The following EPG5 variants were observed in gnomAD, a reference collection of about 807,000 sequenced individuals.
The protein encoded by EPG5 is ectopic P granules protein 5 homolog.
A neutral mutation model predicts 302.7 loss-of-function variants in EPG5; 159 were observed. That is an observed-to-expected ratio of 0.53 (90% CI 0.46 to 0.60). The LOEUF is 0.60. Among genes scored for constraint, EPG5 ranks in the 20% least tolerant of loss-of-function variants. The probability of loss-of-function intolerance (pLI) is 0.00; values close to 1 mark genes in which losing one functional copy is unlikely to be tolerated. For missense variants in EPG5, 2,896 were observed against 3,092.4 expected (o/e 0.94, Z 1.51); for synonymous variants, 1,158 against 1,136.8 (o/e 1.02, Z -0.37).
chr18:45,885,785 GT>G (rs948502508), intron 29 of EPG5, among the ~76,000 whole-genome samples: 1 of 152,014 alleles, frequency 6.6e-6, no homozygotes, highest in Non-Finnish European at 1.5e-5. Flanking sequence ...CTGGAAAAAT[GT>G]TTTTTTAACA....
chr18:45,897,442 T>C (rs2049503911), intron 27 of EPG5, among the ~76,000 whole-genome samples: 1 of 152,146 alleles, frequency 6.6e-6, no homozygotes, highest in Non-Finnish European at 1.5e-5. Flanking sequence ...ACATTTTCAG[T>C]TTTTTCCTCA....
chr18:45,806,296 GAA>G, the EPG5 span, among the ~76,000 whole-genome samples: 1 of 152,150 alleles, frequency 6.6e-6, no homozygotes, highest in African/African-American at 2.4e-5. Flanking sequence ...ACAGAAAAAT[GAA>G]AACAGTGTAA....
At chr18:45,960,809 T>C (rs565642912) in intron 1 of EPG5, among the ~76,000 whole-genome samples, 1 of 152,230 alleles carries the variant, frequency 6.6e-6, no homozygotes, top group South Asian at 2.1e-4. Context: ...AATCAGAAAG[T>C]AATCATTTAA....
intron 3 of EPG5, 146 bp from the exon 4 acceptor site, chr18:45,951,384 T>C (rs2050905946): frequency 2.1e-6 from 1 of 475,214 alleles, no homozygotes; most frequent in Non-Finnish European, 3.4e-6. Context: ...AATACTTAAA[T>C]TTTTATAAAC....
the EPG5 span, among the ~76,000 whole-genome samples, chr18:45,829,562 T>A: frequency 6.6e-6 from 1 of 152,128 alleles, no homozygotes; most frequent in Non-Finnish European, 1.5e-5. Context: ...GTGTCTCTCC[T>A]TGCCCTCAAA....
rs2143792761 is a variant in EPG5 at position 45,955,122 on chromosome 18, C to G, written c.280G>C (p.Glu94Gln). ...PLTSLTISNE[E>Q]SLTCNTEPPK... is the part of the protein sequence containing the mutation. ...GGCTCTGTGTTACACGTCAGGGACT[C>G]TTCATTGCTTATAGTTAAGGAGGTG... Residue 94 changes from glutamate (E) to glutamine (Q), a missense_variant, in exon 2 of 44, where the codon GAG (glutamate) becomes CAG (glutamine). This residue lies in a region of EPG5 where 1,390 missense variants were observed against 1,430.0 expected (regional missense o/e 0.97). Transcript: ENST00000282041. The G allele has an allele frequency of 6.2e-7, 1 of 1,614,024 alleles. No individual in the cohort carries two copies. Among genetic ancestry groups the G allele is most frequent in the South Asian group, 1.1e-5 (1 of 91,062 alleles).
chr18:45,884,664 A>G lies in EPG5; in HGVS notation c.5257T>C (p.Phe1753Leu), dbSNP rs1405886847. 2 of 1,610,032 alleles carry G rather than the reference A, an allele frequency of 1.2e-6. No individual in the cohort carries two copies. Among genetic ancestry groups the G allele is most frequent in the African/African-American group, 2.7e-5 (2 of 74,642 alleles). ...ATATCACTGTTGTCCTCACTTAGAA[A>G]CTTCACCACTTGCTCATACAGCTGT... ...FIQLYEQVVKFLSEDNSDMIF... is the reference protein window; with the variant it reads ...FIQLYEQVVKLLSEDNSDMIF... Residue 1753 changes from phenylalanine (F) to leucine (L), a missense_variant, in exon 30 of 44, where the codon TTT becomes CTT. By Grantham distance (22) the Phe-to-Leu change is conservative. Around this residue, in one of 5 missense-constraint regions of EPG5, gnomAD observed 790 missense variants for 798.0 expected, o/e 0.99. Coordinates refer to ENST00000282041, the MANE Select transcript of EPG5 (RefSeq NM_020964.3).
intron 27 of EPG5, among the ~76,000 whole-genome samples, chr18:45,891,178 G>T (rs758316463): frequency 1.3e-5 from 2 of 152,114 alleles, no homozygotes; most frequent in African/African-American, 2.4e-5. Flanking sequence ...GAGGCCCAGG[G>T]TTATTATCAT....
the EPG5 span, among the ~76,000 whole-genome samples, chr18:45,812,833 C>T: frequency 6.6e-6 from 1 of 152,260 alleles, no homozygotes; most frequent in African/African-American, 2.4e-5. Context: ...AAAACCTAGG[C>T]AATACCATTC....
chr18:45,879,144 C>T lies in EPG5; in HGVS notation c.5738G>A (p.Ser1913Asn), dbSNP rs2049035572. 2 of 1,614,062 alleles carry T rather than the reference C, an allele frequency of 1.2e-6. No homozygotes were observed. The highest frequency in any genetic ancestry group is 4.5e-5 in the East Asian group (2 of 44,868). The change falls in exon 33 of 44, where the codon AGC (serine) becomes AAC (asparagine). Residue 1913 changes from serine (S) to asparagine (N), a missense_variant. Around this residue, in one of 5 missense-constraint regions of EPG5, gnomAD observed 790 missense variants for 798.0 expected, o/e 0.99. Coordinates refer to ENST00000282041, the MANE Select transcript of EPG5 (RefSeq NM_020964.3). The stretch of plus-strand genomic sequence containing the variant: ...ACTCCATTTTGAGAATAAACCAAAG[C>T]TTTTAAAGTCCATCTTGGATAACCG... ...KLRLSKMDFK[S>N]FGLFSKWSPY... is the part of the protein sequence containing the mutation.
chr18:45,904,455 G>A (rs763265179), intron 24 of EPG5, among the ~76,000 whole-genome samples: 6 of 152,126 alleles, frequency 3.9e-5, no homozygotes, highest in Non-Finnish European at 8.8e-5. Flanking sequence ...AAAATAAAAT[G>A]TTAAAAAATA....
At chr18:45,813,157 A>G in the EPG5 span, among the ~76,000 whole-genome samples, 1 of 152,266 alleles carries the variant, frequency 6.6e-6, no homozygotes, top group African/African-American at 2.4e-5. Flanking sequence ...CTAAAGACAC[A>G]TGAAAAAATG....
At chr18:45,819,397 C>T in the EPG5 span, among the ~76,000 whole-genome samples, 3 of 152,142 alleles carry the variant, frequency 2.0e-5, no homozygotes, top group South Asian at 4.2e-4. Flanking sequence ...TGATCTGAAG[C>T]GTCCCTTTAA....
intron 25 of EPG5, among the ~76,000 whole-genome samples, chr18:45,901,495 G>A (rs1371035399): frequency 6.6e-6 from 1 of 152,126 alleles, no homozygotes. Flanking sequence ...AGGTCTGGAG[G>A]CAGGTCACCC....
Position 45,867,757 on chromosome 18 carries a change from A to T in EPG5, c.6226-9T>A. The T allele has an allele frequency of 6.3e-7, 1 of 1,582,738 alleles. No homozygotes were observed. Among genetic ancestry groups the T allele is most frequent in the Non-Finnish European group, 8.6e-7 (1 of 1,165,114 alleles). On this transcript the variant is annotated splice_polypyrimidine_tract_variant and intron_variant, in intron 36 of 43. Transcript: ENST00000282041. ...GGGCTTCCTCGTTCCACCTAAAAGAAAATGAATTAAAATCATTCTGTTGCC... is the reference window on the plus strand; with the variant it reads ...GGGCTTCCTCGTTCCACCTAAAAGATAATGAATTAAAATCATTCTGTTGCC...
intron 13 of EPG5, among the ~76,000 whole-genome samples, chr18:45,927,764 A>G (rs1288226409): frequency 6.6e-6 from 1 of 152,192 alleles, no homozygotes; most frequent in Non-Finnish European, 1.5e-5. Flanking sequence ...ACATAGTTCC[A>G]TTAATATGAA....
chr18:45,922,105 G>A (rs2050167393), intron 16 of EPG5, among the ~76,000 whole-genome samples: 1 of 152,158 alleles, frequency 6.6e-6, no homozygotes, highest in African/African-American at 2.4e-5. Context: ...TCCACTCCAG[G>A]AGACAAGCAG....
In EPG5 at chr18:45,893,748, T is replaced by G. The variant is rs1467400256; in HGVS notation, c.4810-3808A>C. 5.3e-5 allele frequency among the ~76,000 whole-genome samples: 8 copies of G among 152,136 alleles called. No individual in the cohort carries two copies. The South Asian group carries it at 1.7e-3, about 32-fold the overall frequency. On this transcript the variant is annotated intron_variant, in intron 27 of 43. Coordinates refer to ENST00000282041, the MANE Select transcript of EPG5 (RefSeq NM_020964.3). ...TAGAGTAAAAATATACAGTAAGCAGTGTATAGTATTTAAGTTGAGTATTTA... is the reference window on the plus strand; with the variant it reads ...TAGAGTAAAAATATACAGTAAGCAGGGTATAGTATTTAAGTTGAGTATTTA...
In EPG5 at chr18:45,902,295, T is replaced by G. The variant is rs9949744; in HGVS notation, c.4475-1128A>C. Among the ~76,000 whole-genome samples the G allele has an allele frequency of 3.5e-3, 529 of 152,304 alleles. 3 individuals are homozygous for G. The highest frequency in any genetic ancestry group is 0.012 in the African/African-American group (503 of 41,556). On this transcript the variant is annotated intron_variant, in intron 25 of 43. Transcript: ENST00000282041. The stretch of plus-strand genomic sequence containing the variant: ...CAGCACTATCCCTTATAGTTAGTGT[T>G]TTTCCACTAGAACTAACTACTCTTT...
Sources: allele counts gnomAD v4.1 joint callset (sites outside exome capture counted in the v4.1 genomes callset), GRCh38; gene constraint gnomAD v4.1.1; regional missense constraint gnomAD v4.1.1; transcripts MANE v1.5; gene names NCBI Gene and HGNC (gene_info 2026-07-23, HGNC 2026-07-21).